The following SLC9A8 variants were observed in gnomAD, a reference collection of about 807,000 sequenced individuals.
SLC9A8 encodes solute carrier family 9 member A8, also known as sodium/hydrogen exchanger 8.
Under a neutral mutation model 66.6 loss-of-function variants are expected in SLC9A8, and 48 were observed. The ratio of observed to expected loss-of-function variants is 0.72; its 90% CI spans 0.57 to 0.92. The LOEUF is 0.92. SLC9A8 is among the 40% of genes least tolerant of loss of function. The pLI is 0.00. For synonymous variants in SLC9A8, 274 were observed against 282.6 expected (o/e 0.97, Z 0.31); for missense variants, 599 against 747.3 (o/e 0.80, Z 2.31).
rs1371597608 is a variant in SLC9A8, at chr20:49,849,613, T to C, written c.467T>C (p.Leu156Pro). 1 of 1,614,058 alleles carries C rather than the reference T, an allele frequency of 6.2e-7. No individual in the cohort carries two copies. Among genetic ancestry groups the C allele is most frequent in the Non-Finnish European group, 8.5e-7 (1 of 1,179,894 alleles). The change falls in exon 6 of 16, where the codon CTG becomes CCG. Residue 156 changes from leucine (L) to proline (P), a missense_variant. Leu to Pro is a moderately conservative substitution (Grantham distance 98). Around this residue, in one of 2 missense-constraint regions of SLC9A8, gnomAD observed 467 missense variants for 626.5 expected, o/e 0.75. Transcript: ENST00000361573. ...NFFQNIGSIT[L>P]FAVFGTAISA... ...TTTCAAAATATTGGTTCCATCACCC[T>C]GTTTGCTGTTTTTGGGACGGCAATC... is the stretch of plus-strand genomic sequence containing the variant.
Position 49,889,857 on chromosome 20 carries a change from G to A in SLC9A8, c.*1921G>A, listed in dbSNP as rs1396947806. The A allele has an allele frequency of 2.6e-5, 4 of 152,202 alleles. No homozygotes were observed. The highest frequency in any genetic ancestry group is 4.8e-5 in the African/African-American group (2 of 41,444). 9.4% of individuals were successfully genotyped at this position (152,202 alleles called of 1,614,324 possible). On this transcript the variant is annotated 3_prime_UTR_variant, in exon 16 of 16. Transcript: ENST00000361573. The stretch of plus-strand genomic sequence containing the variant: ...TTAGGGTCCCATCTCCCAGATGTAA[G>A]TTGTTTTGCAAACTCAGTTTGCCAG...
chr20:49,828,073 ATTTTTTTTTTTTTT>A (rs58366162), intron 3 of SLC9A8, among the ~76,000 whole-genome samples: 1 of 81,510 alleles, frequency 1.2e-5, no homozygotes, highest in South Asian at 3.6e-4. Context: ...CCAAAAAAAA[ATTTTTTTTTTTTTT>A]TTTTTTTTTT....
chr20:49,817,753 A>G (rs2146443674), intron 2 of SLC9A8, among the ~76,000 whole-genome samples: 1 of 152,342 alleles, frequency 6.6e-6, no homozygotes, highest in African/African-American at 2.4e-5. Context: ...GAAGTATACA[A>G]TGTCTCATAT....
At chr20:49,852,664 G>C (rs1274728876) in intron 7 of SLC9A8, among the ~76,000 whole-genome samples, 2 of 152,164 alleles carry the variant, frequency 1.3e-5, no homozygotes, top group Non-Finnish European at 2.9e-5. Flanking sequence ...TCTTAAAGAT[G>C]TGAAGTGGAA....
chr20:49,824,175 A>C (rs1454151756), intron 3 of SLC9A8, among the ~76,000 whole-genome samples: 4 of 152,164 alleles, frequency 2.6e-5, no homozygotes, highest in Admixed American at 1.3e-4. Context: ...TTTATGCCTT[A>C]TGACCTCCAG....
At chr20:49,864,540 C>T (rs2088884126) in intron 9 of SLC9A8, among the ~76,000 whole-genome samples, 199 bp from the exon 10 acceptor site, 1 of 152,188 alleles carries the variant, frequency 6.6e-6, no homozygotes, top group South Asian at 2.1e-4. Flanking sequence ...AGTGTTTTGT[C>T]AGATTCCCTT....
At chr20:49,881,454 C>G (rs1357213670) in intron 13 of SLC9A8, among the ~76,000 whole-genome samples, 1 of 152,178 alleles carries the variant, frequency 6.6e-6, no homozygotes, top group African/African-American at 2.4e-5. Context: ...TCCTTTTAGT[C>G]ACAAAGTTCT....
intron 5 of SLC9A8, among the ~76,000 whole-genome samples, chr20:49,845,516 G>T (rs141617045): frequency 6.6e-6 from 1 of 152,118 alleles, no homozygotes; most frequent in Non-Finnish European, 1.5e-5. Context: ...GTTTCTTTCA[G>T]CTCCCCCACT....
chr20:49,845,014 G>T (rs747591652), intron 4 of SLC9A8, 22 bp from the exon 5 acceptor site: 2 of 1,545,298 alleles, frequency 1.3e-6, no homozygotes, highest in South Asian at 2.2e-5. Context: ...ATGCCCTTAA[G>T]ATACTCATTT....
intron 3 of SLC9A8, among the ~76,000 whole-genome samples, chr20:49,835,679 C>CTTTTTTTTTTT (rs34461954): frequency 4.2e-5 from 3 of 71,972 alleles, no homozygotes; most frequent in African/African-American, 1.2e-4. Flanking sequence ...ACACAATTCA[C>CTTTTTTTTTTT]TTTTTTTTTT....
Position 49,844,982 on chromosome 20 carries a change from A to G in SLC9A8, c.349-54A>G, listed in dbSNP as rs972244385. The G allele has an allele frequency of 4.7e-6, 6 of 1,288,458 alleles. No homozygotes were observed. In the African/African-American group the frequency reaches 7.3e-5, roughly 16 times the overall value. The allele number at this position is 1,288,458 out of a possible 1,614,324, so 79.8% of individuals were successfully genotyped here. ...ATTTTGGCTCTTTATTGATTAATTT[A>G]TTTCTTAATTACACAAATTCCATGC... is the stretch of plus-strand genomic sequence containing the variant. On this transcript the variant is annotated intron_variant, in intron 4 of 15. Coordinates refer to ENST00000361573, the MANE Select transcript of SLC9A8 (RefSeq NM_015266.3).
intron 2 of SLC9A8, among the ~76,000 whole-genome samples, chr20:49,816,653 AAG>A (rs1399008518): frequency 1.3e-5 from 2 of 152,092 alleles, no homozygotes; most frequent in Non-Finnish European, 2.9e-5. Flanking sequence ...ACAGACAAAA[AAG>A]AAATCCAGTT....
At position 49,890,910 on chromosome 20, in the gene SLC9A8, G is replaced by C. The variant is rs1215729728; in HGVS notation, c.*2974G>C. ...CCAGGTTAGCCCACAGGATTCCTTT[G>C]TGTGCCATGGAATGCTGAAAGATGG... On this transcript the variant is annotated 3_prime_UTR_variant, in exon 16 of 16. Coordinates refer to ENST00000361573, the MANE Select transcript of SLC9A8 (RefSeq NM_015266.3). The C allele has an allele frequency of 6.6e-6, 1 of 152,292 alleles. No homozygotes were observed. The highest frequency in any genetic ancestry group is 1.5e-5 in the Non-Finnish European group (1 of 68,068). The allele number at this position is 152,292 out of a possible 1,614,324, so 9.4% of individuals were successfully genotyped here.
In SLC9A8 at chr20:49,886,900, T is replaced by C; in HGVS notation, c.1638+2T>C. On this transcript the variant is annotated splice_donor_variant, in intron 15 of 15. Coordinates refer to ENST00000361573, the MANE Select transcript of SLC9A8 (RefSeq NM_015266.3). LOFTEE classifies it high-confidence loss of function. This position sits in a 1 kb window ranked among gnomAD's most constrained non-coding sequence, Gnocchi z 4.8. ...TTCACTCGGAGGCTGACGCAGGAGG[T>C]GGGATACCGGCCAGGCCACACTTTC... is the stretch of plus-strand genomic sequence containing the variant. 1 of 1,612,872 alleles carries C rather than the reference T, an allele frequency of 6.2e-7. No homozygotes were observed. Among genetic ancestry groups the C allele is most frequent in the East Asian group, 2.2e-5 (1 of 44,832 alleles).
chr20:49,842,989 G>T (rs1389309815), intron 4 of SLC9A8, among the ~76,000 whole-genome samples: 2 of 152,108 alleles, frequency 1.3e-5, no homozygotes, highest in Non-Finnish European at 2.9e-5. Flanking sequence ...TATGTGCCTT[G>T]TTCTGTCTCT....
At position 49,887,840 on chromosome 20, in the gene SLC9A8, C is replaced by T. The variant is rs375594165; in HGVS notation, c.1650C>T (p.His550=). Residue 550 remains histidine (H), a synonymous_variant, in exon 16 of 16, where the codon CAC becomes CAT. Transcript: ENST00000361573. ...GTCTCTCGACCCAGGACCTGCACCACGGGCGCATCCAGATGAAAACTCTCA... is the reference window on the plus strand; with the variant it reads ...GTCTCTCGACCCAGGACCTGCACCATGGGCGCATCCAGATGAAAACTCTCA... ...TRRLTQEDLH[H]GRIQMKTLTN... 3.1e-5 allele frequency: 50 copies of T among 1,607,338 alleles called. No individual in the cohort carries two copies. Among genetic ancestry groups the T allele is most frequent in the African/African-American group, 8.0e-5 (6 of 74,808 alleles).
rs554277091 is a variant in SLC9A8, at chr20:49,891,545, T to G, written c.*3609T>G. 6.6e-6 allele frequency: 1 copy of G among 152,416 alleles called. No homozygotes were observed. The highest frequency in any genetic ancestry group is 2.1e-4 in the South Asian group (1 of 4,826). The allele number at this position is 152,416 out of a possible 1,614,324, so 9.4% of individuals were successfully genotyped here. A position where few individuals can be genotyped will look rare whatever the true frequency, so the allele number is the denominator to read the frequency against. On this transcript the variant is annotated 3_prime_UTR_variant, in exon 16 of 16. Coordinates refer to ENST00000361573, the MANE Select transcript of SLC9A8 (RefSeq NM_015266.3). Reference sequence around the variant, plus strand: ...AGGAGGAAGACTAACACACACCCCCTGCCCCATCCCATCCCCCTCTCCCGA... The same window carrying G: ...AGGAGGAAGACTAACACACACCCCCGGCCCCATCCCATCCCCCTCTCCCGA...
chr20:49,814,711 C>T (rs990507187), intron 1 of SLC9A8, among the ~76,000 whole-genome samples: 1 of 152,156 alleles, frequency 6.6e-6, no homozygotes, highest in Admixed American at 6.6e-5. Flanking sequence ...CAGTTTGCCT[C>T]CCTTTAAATC....
intron 9 of SLC9A8, chr20:49,863,895 T>C (rs1409432649): frequency 6.6e-6 from 1 of 152,252 alleles, no homozygotes; most frequent in Non-Finnish European, 1.5e-5. Context: ...AAGAGACTCT[T>C]TTGCCTGGTT....
Sources: allele counts gnomAD v4.1 joint callset (sites outside exome capture counted in the v4.1 genomes callset), GRCh38; gene constraint gnomAD v4.1.1; regional missense constraint gnomAD v4.1.1; non-coding constraint Gnocchi (gnomAD v3.1); transcripts MANE v1.5; gene names NCBI Gene and HGNC (gene_info 2026-07-23, HGNC 2026-07-21).